Variants in DIAPH3 observed in about 807,000 individuals in gnomAD.
DIAPH3 encodes the protein diaphanous related formin 3, also known as protein diaphanous homolog 3.
A neutral mutation model predicts 144.3 loss-of-function variants in DIAPH3; 117 were observed. That is an observed-to-expected ratio of 0.81 (90% confidence interval 0.70 to 0.95). DIAPH3 has a LOEUF of 0.95. Among genes scored for constraint, DIAPH3 ranks in the 40% least tolerant of loss-of-function variants. DIAPH3 has a pLI of 0.00. For missense variants in DIAPH3, 1,421 were observed against 1,412.7 expected (o/e 1.01, Z -0.09); for synonymous variants, 519 against 488.9 (o/e 1.06, Z -0.81).
At chr13:59,936,165 A>G (rs1277815949) in intron 17 of DIAPH3, among the ~76,000 whole-genome samples, 1 of 152,146 alleles carries the variant, frequency 6.6e-6, no homozygotes, top group African/African-American at 2.4e-5. Context: ...ATCGGGAAAT[A>G]CCTTGTTAAA....
intron 24 of DIAPH3, among the ~76,000 whole-genome samples, chr13:59,824,307 C>T (rs1239348009): frequency 6.6e-6 from 1 of 152,066 alleles, no homozygotes; most frequent in Non-Finnish European, 1.5e-5. Context: ...AGTAACATCC[C>T]TAAGAGATGC....
chr13:59,770,777 A>T (rs2038079846), intron 27 of DIAPH3, among the ~76,000 whole-genome samples: 5 of 152,120 alleles, frequency 3.3e-5, no homozygotes, highest in Admixed American at 2.6e-4. Flanking sequence ...CCTGGCATTT[A>T]CCAAAAGTAG....
At chr13:60,057,365 A>T (rs2141274593) in intron 4 of DIAPH3, among the ~76,000 whole-genome samples, 1 of 152,152 alleles carries the variant, frequency 6.6e-6, no homozygotes, top group African/African-American at 2.4e-5. Context: ...CTCTACAGGG[A>T]GAACAAGAAA....
chr13:60,090,979 T>C (rs2057909462), intron 4 of DIAPH3, among the ~76,000 whole-genome samples: 1 of 152,234 alleles, frequency 6.6e-6, no homozygotes, highest in Non-Finnish European at 1.5e-5. Flanking sequence ...CAAACTGAAA[T>C]AGATCCACAT....
chr13:60,011,846 T>G (rs2140956275), intron 7 of DIAPH3, among the ~76,000 whole-genome samples: 1 of 152,286 alleles, frequency 6.6e-6, no homozygotes, highest in South Asian at 2.1e-4. Flanking sequence ...CGATTGGGAT[T>G]AGGATAAAGT....
intron 27 of DIAPH3, among the ~76,000 whole-genome samples, chr13:59,713,030 A>G (rs187105930): frequency 6.6e-6 from 1 of 152,252 alleles, no homozygotes; most frequent in East Asian, 1.9e-4. Context: ...CGCTGATCTG[A>G]CAGGAGGCGG....
In DIAPH3 at chr13:60,008,649, G is replaced by T. The variant is rs761440248; in HGVS notation, c.909C>A (p.Ile303=). 5.6e-6 allele frequency: 9 copies of T among 1,604,560 alleles called. No homozygotes were observed. Among genetic ancestry groups the T allele is most frequent in the East Asian group, 2.2e-5 (1 of 44,758 alleles). Residue 303 remains isoleucine, a splice_region_variant and synonymous_variant, in exon 9 of 28, where the codon ATC becomes ATA. Coordinates refer to ENST00000400324, the MANE Select transcript of DIAPH3 (RefSeq NM_001042517.2). The part of the protein sequence containing the change: ...SAVCIVGEES[I]LEEVLEALTS... Reference sequence around the variant, plus strand: ...TTAAAGCTTCTAAAACTTCTTCAAGGCTATTGGAAAATTTGAGTCAATTAA... The same window carrying T: ...TTAAAGCTTCTAAAACTTCTTCAAGTCTATTGGAAAATTTGAGTCAATTAA...
Position 59,861,480 on chromosome 13 carries a change from T to G in DIAPH3, c.2664A>C (p.Glu888Asp). ...TATCAGGGTACTTCTCTTCACATAT[T>G]TCTACCAGGAAATGAAGTAGCGTTG... ...QKTTLLHFLV[E>D]ICEEKYPDIL... Residue 888 changes from glutamate to aspartate, a missense_variant, in exon 22 of 28, where the codon GAA becomes GAC. Glu to Asp is a conservative substitution (Grantham distance 45, BLOSUM62 2). Transcript: ENST00000400324. The G allele has an allele frequency of 6.2e-7, 1 of 1,613,820 alleles. No homozygotes were observed. The highest frequency in any genetic ancestry group is 2.2e-5 in the East Asian group (1 of 44,776).
chr13:59,897,283 A>G (rs2046161466), intron 20 of DIAPH3, among the ~76,000 whole-genome samples: 2 of 152,252 alleles, frequency 1.3e-5, no homozygotes, highest in Non-Finnish European at 2.9e-5. Context: ...ACCACACAAA[A>G]TGAGAAATGA....
chr13:59,733,589 A>C (rs1230452757), intron 27 of DIAPH3, among the ~76,000 whole-genome samples: 1 of 152,224 alleles, frequency 6.6e-6, no homozygotes, highest in Non-Finnish European at 1.5e-5. Context: ...AGGAAGGTTT[A>C]GTTGTATTAA....
chr13:60,036,396 C>T (rs1016470857), intron 5 of DIAPH3, among the ~76,000 whole-genome samples: 9 of 151,974 alleles, frequency 5.9e-5, no homozygotes, highest in African/African-American at 2.2e-4. Flanking sequence ...CTACATGTGG[C>T]TCTCAAGCAA....
intron 27 of DIAPH3, among the ~76,000 whole-genome samples, chr13:59,670,637 C>T (rs1458109389): frequency 6.7e-6 from 1 of 148,276 alleles, no homozygotes; most frequent in Non-Finnish European, 1.5e-5. Context: ...GGCTGGAGTG[C>T]AGTGGCGGGA....
At chr13:59,805,675 G>A (rs936728148) in intron 25 of DIAPH3, among the ~76,000 whole-genome samples, 1 of 151,624 alleles carries the variant, frequency 6.6e-6, no homozygotes, top group South Asian at 2.1e-4. Context: ...AGACCTTCAG[G>A]TTCATCATTT....
rs113292440 is a variant in DIAPH3 at position 60,009,832 on chromosome 13, G to A, written c.908+701C>T. ...GGACTCTGCCAACCCCTACATATGG[G>A]GGATATTTCTGTTAGTTCTTTTGCC... On this transcript the variant is annotated intron_variant, in intron 8 of 27. Coordinates refer to ENST00000400324, the MANE Select transcript of DIAPH3 (RefSeq NM_001042517.2). Among the ~76,000 whole-genome samples, 669 of 151,994 alleles carry A rather than the reference G, an allele frequency of 4.4e-3. 9 individuals carry two copies. The highest frequency in any genetic ancestry group is 0.017 in the Middle Eastern group (5 of 294).
At chr13:59,738,092 G>C (rs2453866) in intron 27 of DIAPH3, among the ~76,000 whole-genome samples, 87,630 of 152,016 alleles carry the variant, frequency 0.58, 26,367 homozygotes, top group East Asian at 0.7. Context: ...GCGTGAACCT[G>C]GTGAAGGGAG....
At chr13:60,162,572 T>G (rs1307577251) in intron 1 of DIAPH3, among the ~76,000 whole-genome samples, 4 of 152,178 alleles carry the variant, frequency 2.6e-5, no homozygotes, top group Non-Finnish European at 5.9e-5. Flanking sequence ...TCTATGCTGT[T>G]CCTCATTTTC....
intron 9 of DIAPH3, among the ~76,000 whole-genome samples, chr13:59,994,754 G>A (rs1413813467): frequency 1.3e-5 from 2 of 151,828 alleles, no homozygotes; most frequent in Admixed American, 6.6e-5. Flanking sequence ...CAAATTTTAT[G>A]AGCGGTTTGT....
At chr13:59,684,410 G>A (rs1206190295) in intron 27 of DIAPH3, among the ~76,000 whole-genome samples, 3 of 152,162 alleles carry the variant, frequency 2.0e-5, no homozygotes, top group Non-Finnish European at 2.9e-5. Context: ...GTATTATGGG[G>A]TTAGTTTATA....
chr13:59,954,907 A>G lies in DIAPH3; in HGVS notation c.2074+15037T>C, dbSNP rs547726593. Among the ~76,000 whole-genome samples the G allele has an allele frequency of 3.9e-5, 6 of 152,072 alleles. No individual in the cohort carries two copies. The South Asian group carries it at 6.2e-4, about 16-fold the overall frequency. On this transcript the variant is annotated intron_variant, in intron 17 of 27. Coordinates refer to ENST00000400324, the MANE Select transcript of DIAPH3 (RefSeq NM_001042517.2). ...CATTAGAAACCACCCACATGATCCA[A>G]TCACCTCCCACTAGGTCCCATCTCC...
Sources: allele counts gnomAD v4.1 joint callset (sites outside exome capture counted in the v4.1 genomes callset), GRCh38; gene constraint gnomAD v4.1.1; transcripts MANE v1.5; gene names NCBI Gene and HGNC (gene_info 2026-07-23, HGNC 2026-07-21).